Variants in VAMP4 observed in about 807,000 individuals in gnomAD.
VAMP4 encodes the protein vesicle associated membrane protein 4.
VAMP4 carries 19 observed loss-of-function variants against 23.5 expected under a neutral mutation model. The observed-to-expected ratio is 0.81, with a 90% CI of 0.56 to 1.19. The LOEUF (loss-of-function observed/expected upper bound fraction) is 1.19. Among genes scored for constraint, VAMP4 ranks in the 50% most tolerant of loss-of-function variants. The pLI is 0.00. For missense variants in VAMP4, 145 were observed against 168.6 expected (o/e 0.86, Z 0.78); for synonymous variants, 31 against 51.0 (o/e 0.61, Z 1.67).
chr1:171,733,326 C>T (rs762222112), intron 2 of VAMP4, among the ~76,000 whole-genome samples: 7 of 139,700 alleles, frequency 5.0e-5, no homozygotes, highest in Non-Finnish European at 9.2e-5. Context: ...AAAAATTAGG[C>T]GTGGTGGTGT....
chr1:171,706,084 G>C (rs1654640958), intron 7 of VAMP4, among the ~76,000 whole-genome samples: 4 of 152,068 alleles, frequency 2.6e-5, no homozygotes, highest in Admixed American at 2.0e-4. Flanking sequence ...CCTGGATTTG[G>C]GGGTGAGGGT....
chr1:171,715,923 C>T (rs772903035), intron 4 of VAMP4, among the ~76,000 whole-genome samples: 24 of 152,036 alleles, frequency 1.6e-4, no homozygotes, highest in Admixed American at 2.6e-4. Context: ...ATCAATTGAG[C>T]CCAGGATTTT....
chr1:171,716,260 A>C (rs2124847594), intron 4 of VAMP4, among the ~76,000 whole-genome samples: 1 of 152,316 alleles, frequency 6.6e-6, no homozygotes, highest in South Asian at 2.1e-4. Context: ...TCTACAATTC[A>C]CTACAGTGGC....
intron 6 of VAMP4, among the ~76,000 whole-genome samples, chr1:171,708,876 G>GA (rs75439179): frequency 0.32 from 26,863 of 84,618 alleles, 3,674 homozygotes; most frequent in Middle Eastern, 0.38. Flanking sequence ...CTATCTCAAA[G>GA]AAAAAAAAAA....
At position 171,706,420 on chromosome 1, in the gene VAMP4, T is replaced by C. The variant is rs1654654822; in HGVS notation, c.346-2A>G. 6.2e-7 allele frequency: 1 copy of C among 1,607,108 alleles called. No homozygotes were observed. Among genetic ancestry groups the C allele is most frequent in the Non-Finnish European group, 8.5e-7 (1 of 1,176,700 alleles). On this transcript the variant is annotated splice_acceptor_variant, in intron 6 of 7. Coordinates refer to ENST00000236192, the MANE Select transcript of VAMP4 (RefSeq NM_003762.5). LOFTEE classifies it high-confidence loss of function. ...AACCAAAGCCATGATGGCTTTTATC[T>C]ACAACACACAAAAGGGCATATATAT... is the stretch of plus-strand genomic sequence containing the variant.
At chr1:171,723,068 G>GGTT (rs1655248168) in intron 3 of VAMP4, among the ~76,000 whole-genome samples, 1 of 152,124 alleles carries the variant, frequency 6.6e-6, no homozygotes, top group Non-Finnish European at 1.5e-5. Context: ...CGTGTCGGCA[G>GGTT]GTTCTGTGAT....
intron 4 of VAMP4, among the ~76,000 whole-genome samples, chr1:171,718,174 C>T (rs1004186014): frequency 6.6e-6 from 1 of 152,176 alleles, no homozygotes; most frequent in African/African-American, 2.4e-5. Context: ...TTTATTGGTT[C>T]TTTGGTTCCA....
chr1:171,737,675 T>C (rs930190089), intron 2 of VAMP4, among the ~76,000 whole-genome samples: 4 of 152,214 alleles, frequency 2.6e-5, no homozygotes, highest in Non-Finnish European at 4.4e-5. Flanking sequence ...TGAGAAATAT[T>C]AATATTTTTG....
intron 2 of VAMP4, among the ~76,000 whole-genome samples, chr1:171,730,618 G>A (rs1296094493): frequency 6.6e-6 from 1 of 151,502 alleles, no homozygotes; most frequent in African/African-American, 2.4e-5. Context: ...CTTAGTTTTT[G>A]GTATGTTGAC....
chr1:171,736,304 G>C (rs1013718858), intron 2 of VAMP4, among the ~76,000 whole-genome samples: 2 of 152,192 alleles, frequency 1.3e-5, no homozygotes, highest in African/African-American at 4.8e-5. Flanking sequence ...TAAAGAAAGA[G>C]ACCCTGGATT....
chr1:171,712,061 G>T (rs1223018114), intron 4 of VAMP4, among the ~76,000 whole-genome samples: 2 of 152,070 alleles, frequency 1.3e-5, no homozygotes, highest in African/African-American at 2.4e-5. Flanking sequence ...GTAGGTTTGT[G>T]TAAGTATACT....
chr1:171,726,329 C>T lies in VAMP4; in HGVS notation c.113+2195G>A, dbSNP rs193105649. ...CCTCCCAAAGAGGTGGGATTACAGGCGTGAGCCACTGCACCCAGCCAAGTC... is the reference window on the plus strand; with the variant it reads ...CCTCCCAAAGAGGTGGGATTACAGGTGTGAGCCACTGCACCCAGCCAAGTC... On this transcript the variant is annotated intron_variant, in intron 3 of 7. Transcript: ENST00000236192. Among the ~76,000 whole-genome samples, 4 of 152,314 alleles carry T rather than the reference C, an allele frequency of 2.6e-5. No individual in the cohort carries two copies. In the East Asian group the frequency reaches 7.7e-4, roughly 29 times the overall value.
chr1:171,701,101 T>C lies in VAMP4; in HGVS notation c.*3405A>G, dbSNP rs1654418556. The C allele has an allele frequency of 1.3e-5, 2 of 152,304 alleles. No homozygotes were observed. Among genetic ancestry groups the C allele is most frequent in the South Asian group, 4.1e-4 (2 of 4,826 alleles). The allele number at this position is 152,304 out of a possible 1,614,324, so 9.4% of individuals were successfully genotyped here. ...AAAGCATTTAGACAAATTTCATTTGTCTACAACATGGAAAAAACAAGTTAA... is the reference window on the plus strand; with the variant it reads ...AAAGCATTTAGACAAATTTCATTTGCCTACAACATGGAAAAAACAAGTTAA... On this transcript the variant is annotated 3_prime_UTR_variant, in exon 8 of 8. Transcript: ENST00000236192.
At chr1:171,729,840 A>C (rs908064361) in intron 2 of VAMP4, among the ~76,000 whole-genome samples, 1 of 152,096 alleles carries the variant, frequency 6.6e-6, no homozygotes, top group African/African-American at 2.4e-5. Flanking sequence ...AGTCACCAAA[A>C]CCTGTGAATG....
At chr1:171,710,151 G>A (rs1014164285) in intron 5 of VAMP4, among the ~76,000 whole-genome samples, 5 of 150,446 alleles carry the variant, frequency 3.3e-5, no homozygotes, top group African/African-American at 4.9e-5. Context: ...TGATTTTAAA[G>A]GAAAACAATA....
At chr1:171,728,203 T>C (rs1655437421) in intron 3 of VAMP4, among the ~76,000 whole-genome samples, 1 of 152,220 alleles carries the variant, frequency 6.6e-6, no homozygotes, top group Non-Finnish European at 1.5e-5. Context: ...GAAATGTGAA[T>C]CACCCCTTTG....
intron 3 of VAMP4, among the ~76,000 whole-genome samples, chr1:171,719,874 C>T (rs551681910): frequency 2.0e-5 from 3 of 151,938 alleles, no homozygotes. Flanking sequence ...GAAATGAAAA[C>T]ATTTGGTTAT....
At chr1:171,719,250 T>C (rs199934218) in intron 3 of VAMP4, 29 bp from the exon 4 acceptor site, 1 of 1,584,740 alleles carries the variant, frequency 6.3e-7, no homozygotes, top group South Asian at 1.1e-5. Context: ...CAAGTACATA[T>C]TAGTAGTGAC....
chr1:171,733,369 T>C (rs1258103754), intron 2 of VAMP4, among the ~76,000 whole-genome samples: 1 of 150,988 alleles, frequency 6.6e-6, no homozygotes, highest in Non-Finnish European at 1.5e-5. Context: ...TGAAGGCTAC[T>C]TGGGGGGATT....
Sources: allele counts gnomAD v4.1 joint callset (sites outside exome capture counted in the v4.1 genomes callset), GRCh38; gene constraint gnomAD v4.1.1; transcripts MANE v1.5; gene names NCBI Gene and HGNC (gene_info 2026-07-23, HGNC 2026-07-21).